Variants in TMEM245 observed in about 807,000 individuals in gnomAD.
The protein encoded by TMEM245 is protein CG-2.
Under a neutral mutation model 101.2 loss-of-function variants are expected in TMEM245, and 69 were observed. That is an observed-to-expected ratio of 0.68 (90% confidence interval 0.56 to 0.83). The LOEUF (loss-of-function observed/expected upper bound fraction) is 0.83. Ranked by LOEUF, TMEM245 falls within the 40% of genes least tolerant of loss-of-function variation. The pLI is 0.00. For missense variants in TMEM245, 1,075 were observed against 1,092.8 expected, an observed-to-expected ratio of 0.98 and a Z score of 0.23; for synonymous variants, 537 against 449.8, an observed-to-expected ratio of 1.19 and a Z score of -2.45.
At chr9:109,097,010 A>C (rs141353798) in intron 3 of TMEM245, among the ~76,000 whole-genome samples, 1 of 152,240 alleles carries the variant, frequency 6.6e-6, no homozygotes, top group African/African-American at 2.4e-5. Context: ...ATTCAGTCTG[A>C]TACTTAAGAG....
intron 14 of TMEM245, 27 bp downstream of exon 14, chr9:109,050,256 T>G (rs370708225): frequency 6.2e-7 from 1 of 1,606,910 alleles, no homozygotes; most frequent in African/African-American, 1.3e-5. Flanking sequence ...CTGGGAGAAA[T>G]AAGAATAGCA....
intron 14 of TMEM245, among the ~76,000 whole-genome samples, chr9:109,040,928 T>C (rs892451831): frequency 6.6e-6 from 1 of 152,244 alleles, no homozygotes; most frequent in African/African-American, 2.4e-5. Context: ...TGTGGACATA[T>C]GCTTTCATTT....
intron 14 of TMEM245, among the ~76,000 whole-genome samples, chr9:109,042,910 A>G (rs1272695515): frequency 3.4e-5 from 5 of 145,756 alleles, no homozygotes; most frequent in African/African-American, 1.3e-4. Flanking sequence ...CAGTGGTGCA[A>G]TCCTGGCTCA....
chr9:109,080,088 A>G (rs1403525512), intron 8 of TMEM245, among the ~76,000 whole-genome samples: 1 of 152,122 alleles, frequency 6.6e-6, no homozygotes, highest in African/African-American at 2.4e-5. Context: ...TTAGATTATC[A>G]ATTATAGTTA....
rs187613421 is a variant in TMEM245, at chr9:109,064,306, C to T, written c.1623+171G>A. On this transcript the variant is annotated intron_variant, in intron 10 of 17. Transcript: ENST00000374586. ...ACCTCTCAGATTGTTCAGGGTACTA[C>T]CCCTATTCAATGTGATCTTTCAAAA... Among the ~76,000 whole-genome samples the T allele has an allele frequency of 7.9e-5, 12 of 152,288 alleles. No individual in the cohort carries two copies. The East Asian group carries it at 2.3e-3, about 29-fold the overall frequency.
chr9:109,090,879 A>G (rs555478828), intron 5 of TMEM245, 43 bp downstream of exon 5: 2 of 1,552,556 alleles, frequency 1.3e-6, no homozygotes, highest in South Asian at 1.2e-5. Context: ...AAAAAAATCA[A>G]TCTTCAAAGA....
chr9:109,041,193 A>G (rs1382040533), intron 14 of TMEM245, among the ~76,000 whole-genome samples: 1 of 152,168 alleles, frequency 6.6e-6, no homozygotes, highest in African/African-American at 2.4e-5. Context: ...CATCTGAAGC[A>G]CCTAGTAACT....
intron 9 of TMEM245, among the ~76,000 whole-genome samples, chr9:109,068,120 C>T (rs1429193879): frequency 1.3e-5 from 2 of 152,138 alleles, no homozygotes; most frequent in African/African-American, 2.4e-5. Flanking sequence ...GTAATCCCAG[C>T]ACTTTGGTAG....
chr9:109,092,669 G>A (rs990234200), intron 4 of TMEM245, among the ~76,000 whole-genome samples: 9 of 152,202 alleles, frequency 5.9e-5, no homozygotes, highest in African/African-American at 2.2e-4. Context: ...TCTAAAGTCA[G>A]TTCTTCAAGG....
intron 12 of TMEM245, among the ~76,000 whole-genome samples, chr9:109,054,727 TAA>T (rs1314503753): frequency 6.6e-6 from 1 of 152,338 alleles, no homozygotes; most frequent in Non-Finnish European, 1.5e-5. Context: ...CAACATTATA[TAA>T]AAAGTCTGGC....
intron 9 of TMEM245, among the ~76,000 whole-genome samples, chr9:109,069,308 C>G (rs1829261775): frequency 1.3e-5 from 2 of 152,108 alleles, no homozygotes; most frequent in South Asian, 4.2e-4. Context: ...AAAAGGAGCC[C>G]TCTGGATGTG....
intron 14 of TMEM245, among the ~76,000 whole-genome samples, chr9:109,048,597 G>A (rs1362024796): frequency 6.6e-6 from 1 of 152,176 alleles, no homozygotes; most frequent in African/African-American, 2.4e-5. Context: ...GACAATAGGA[G>A]GGTTTAATTT....
In TMEM245 at chr9:109,093,430, T is replaced by C. The variant is rs750393011; in HGVS notation, c.916+45A>G. 8.5e-6 allele frequency: 13 copies of C among 1,530,140 alleles called. No individual in the cohort carries two copies. In the South Asian group the frequency reaches 1.2e-4, roughly 14 times the overall value. The allele number at this position is 1,530,140 out of a possible 1,614,324, so 94.8% of individuals were successfully genotyped here. On this transcript the variant is annotated intron_variant, in intron 4 of 17. Coordinates refer to ENST00000374586, the MANE Select transcript of TMEM245 (RefSeq NM_032012.4). The stretch of plus-strand genomic sequence containing the variant: ...CCTGAATTTTACTTTCTATGTACAT[T>C]TCATTTTCCAGAATAACCTTGAATG...
intron 17 of TMEM245, among the ~76,000 whole-genome samples, chr9:109,029,536 C>T (rs556240237): frequency 2.6e-5 from 4 of 152,274 alleles, no homozygotes; most frequent in South Asian, 2.1e-4. Context: ...GGAAAGCTAT[C>T]GGATTAAGTT....
intron 3 of TMEM245, among the ~76,000 whole-genome samples, chr9:109,094,862 T>C (rs1456727909): frequency 6.6e-6 from 1 of 152,212 alleles, no homozygotes; most frequent in Non-Finnish European, 1.5e-5. Context: ...CATAGGATTC[T>C]GTCACCCCAA....
In TMEM245 at chr9:109,015,397, A is replaced by G. The variant is rs1827407242; in HGVS notation, c.*5063T>C. On this transcript the variant is annotated 3_prime_UTR_variant, in exon 18 of 18. Transcript: ENST00000374586. Reference sequence around the variant, plus strand: ...ACTCTATATCAAATCTTAGTTCAAAATCAAATTGTACTGGAAATACACTTC... The same window carrying G: ...ACTCTATATCAAATCTTAGTTCAAAGTCAAATTGTACTGGAAATACACTTC... 6.6e-6 allele frequency: 1 copy of G among 152,220 alleles called. No homozygotes were observed. The highest frequency in any genetic ancestry group is 1.5e-5 in the Non-Finnish European group (1 of 68,018). 9.4% of individuals were successfully genotyped at this position (152,220 alleles called of 1,614,324 possible). A position where few individuals can be genotyped will look rare whatever the true frequency, so the allele number is the denominator to read the frequency against.
chr9:109,039,048 G>T (rs1257427949), intron 14 of TMEM245: 2 of 152,192 alleles, frequency 1.3e-5, no homozygotes, highest in African/African-American at 2.4e-5. Flanking sequence ...TGAAAAAGAA[G>T]ACGTTAGCGG....
At chr9:109,041,148 G>T (rs1828289458) in intron 14 of TMEM245, among the ~76,000 whole-genome samples, 1 of 152,156 alleles carries the variant, frequency 6.6e-6, no homozygotes. Context: ...CTGGCAGGAA[G>T]AACAATTCAA....
intron 7 of TMEM245, among the ~76,000 whole-genome samples, chr9:109,083,916 A>AAAAAAAAAAAACAAAAAAAAAAAC: frequency 7.5e-6 from 1 of 132,502 alleles, no homozygotes; most frequent in Non-Finnish European, 1.6e-5. Context: ...AAAAAAAAAA[A>AAAAAAAAAAAACAAAAAAAAAAAC]AAAAAAAAAA....
Sources: gnomAD v4.1 joint callset for allele counts (sites outside exome capture counted in the v4.1 genomes callset) on GRCh38, gnomAD v4.1.1 for gene constraint, MANE v1.5 for transcripts, NCBI Gene and HGNC (gene_info 2026-07-23, HGNC 2026-07-21) for gene names.